ULK4: variants seen among roughly 807,000 people sequenced by gnomAD.
ULK4 encodes inactive serine/threonine-protein kinase ULK4.
Under a neutral mutation model 160.6 loss-of-function variants are expected in ULK4, and 133 were observed. The ratio of observed to expected loss-of-function variants is 0.83; its 90% CI spans 0.72 to 0.96. ULK4 has a LOEUF of 0.96. ULK4 is among the 40% of genes least tolerant of loss of function. The pLI, the probability that ULK4 is intolerant of heterozygous loss-of-function variation, is 0.00. For synonymous variants in ULK4, 534 were observed against 539.8 expected, an observed-to-expected ratio of 0.99 and a Z score of 0.15; for missense variants, 1,580 against 1,499.5, an observed-to-expected ratio of 1.05 and a Z score of -0.89.
intron 35 of ULK4, among the ~76,000 whole-genome samples, chr3:41,368,973 C>T (rs1205882529): frequency 3.9e-5 from 6 of 152,154 alleles, no homozygotes; most frequent in Non-Finnish European, 8.8e-5. Flanking sequence ...CTACCTAGAG[C>T]ATATGGTTCT....
At chr3:41,533,229 C>T (rs905243628) in intron 32 of ULK4, among the ~76,000 whole-genome samples, 6 of 152,170 alleles carry the variant, frequency 3.9e-5, no homozygotes, top group Admixed American at 1.3e-4. Flanking sequence ...AAGCACACAA[C>T]AGTGAGCAAA....
chr3:41,512,809 G>T (rs899666073), intron 32 of ULK4, among the ~76,000 whole-genome samples: 46 of 152,046 alleles, frequency 3.0e-4, no homozygotes, highest in Non-Finnish European at 4.7e-4. Flanking sequence ...GAAAAGAACT[G>T]CATAGCCAAA....
intron 35 of ULK4, among the ~76,000 whole-genome samples, chr3:41,323,236 C>T (rs1262403680): frequency 6.6e-6 from 1 of 152,056 alleles, no homozygotes; most frequent in African/African-American, 2.4e-5. Context: ...CATGCCCGGC[C>T]ATTCTTTTAA....
chr3:41,566,215 G>C (rs1300454791), intron 31 of ULK4, 85 bp from the exon 32 acceptor site: 4 of 1,060,044 alleles, frequency 3.8e-6, no homozygotes, highest in Non-Finnish European at 4.3e-6. Context: ...GATGTCCACT[G>C]CTTCATTCTT....
intron 35 of ULK4, among the ~76,000 whole-genome samples, chr3:41,287,440 G>A (rs981438941): frequency 4.6e-5 from 7 of 152,264 alleles, no homozygotes; most frequent in Admixed American, 1.3e-4. Context: ...GTATGGATTC[G>A]TCTGTGAATG....
chr3:41,395,624 G>A (rs193071633), intron 35 of ULK4, among the ~76,000 whole-genome samples: 158 of 152,270 alleles, frequency 1.0e-3, no homozygotes, highest in East Asian at 4.2e-3. Flanking sequence ...ACTGGGAGAA[G>A]GAGGAGTGGG....
intron 31 of ULK4, among the ~76,000 whole-genome samples, chr3:41,589,430 CAAAAA>C (rs34913730): frequency 3.1e-4 from 22 of 72,092 alleles, no homozygotes; most frequent in African/African-American, 7.6e-4. Context: ...AAGGCCAGGC[CAAAAA>C]AAAAAAAAAA....
chr3:41,728,707 C>A (rs1420493171), intron 22 of ULK4, among the ~76,000 whole-genome samples: 1 of 151,988 alleles, frequency 6.6e-6, no homozygotes, highest in Non-Finnish European at 1.5e-5. Flanking sequence ...AAAAAAACTG[C>A]CCTGGGTGTC....
intron 35 of ULK4, among the ~76,000 whole-genome samples, chr3:41,347,417 T>C (rs911185450): frequency 6.6e-6 from 1 of 152,238 alleles, no homozygotes; most frequent in African/African-American, 2.4e-5. Context: ...ACAGATGTTT[T>C]GTGCTCCAGC....
chr3:41,369,206 T>C (rs567270003), intron 35 of ULK4, among the ~76,000 whole-genome samples: 148 of 152,314 alleles, frequency 9.7e-4, no homozygotes, highest in African/African-American at 3.5e-3. Context: ...TTTAAGAATA[T>C]CATCTTAGAG....
At chr3:41,663,126 C>G (rs948717206) in intron 30 of ULK4, among the ~76,000 whole-genome samples, 3 of 151,474 alleles carry the variant, frequency 2.0e-5, no homozygotes, top group Non-Finnish European at 4.4e-5. Flanking sequence ...GAGGCTGAGG[C>G]AGAAGAATCG....
intron 19 of ULK4, among the ~76,000 whole-genome samples, chr3:41,803,148 G>A (rs566890758): frequency 7.7e-6 from 1 of 129,372 alleles, no homozygotes; most frequent in Admixed American, 7.2e-5. Flanking sequence ...TCCAGCCTGG[G>A]CTTACAGAGC....
chr3:41,630,194 C>T (rs2033687383), intron 30 of ULK4, among the ~76,000 whole-genome samples: 1 of 152,198 alleles, frequency 6.6e-6, no homozygotes, highest in Admixed American at 6.5e-5. Context: ...AAGTCCATCT[C>T]AGCATGGCTG....
chr3:41,354,486 G>A (rs1315354056), intron 35 of ULK4, among the ~76,000 whole-genome samples: 1 of 152,068 alleles, frequency 6.6e-6, no homozygotes, highest in African/African-American at 2.4e-5. Context: ...ACTCATTTAG[G>A]GACACATTTG....
chr3:41,485,487 A>C (rs1338237711), intron 32 of ULK4, among the ~76,000 whole-genome samples: 1 of 152,350 alleles, frequency 6.6e-6, no homozygotes. Flanking sequence ...TTCTACCTTG[A>C]AAATAAATCT....
At chr3:41,496,146 C>T (rs2084979586) in intron 32 of ULK4, among the ~76,000 whole-genome samples, 2 of 151,542 alleles carry the variant, frequency 1.3e-5, no homozygotes, top group South Asian at 2.1e-4. Flanking sequence ...ACTGACAAAC[C>T]AACAAGAAAA....
intron 21 of ULK4, among the ~76,000 whole-genome samples, chr3:41,774,022 T>C (rs1357786680): frequency 6.6e-6 from 1 of 152,148 alleles, no homozygotes; most frequent in East Asian, 1.9e-4. Flanking sequence ...TAGCCATATG[T>C]AGAAAGCTGA....
intron 32 of ULK4, among the ~76,000 whole-genome samples, chr3:41,505,800 A>G (rs778925926): frequency 9.2e-5 from 14 of 152,016 alleles, no homozygotes; most frequent in Non-Finnish European, 1.8e-4. Context: ...TAATGCATCT[A>G]TTTCTTTTTC....
In ULK4 at chr3:41,935,925, G is replaced by A. The variant is rs1440020670; in HGVS notation, c.254C>T (p.Thr85Ile). The A allele has an allele frequency of 6.2e-7, 1 of 1,613,246 alleles. No individual in the cohort carries two copies. Among genetic ancestry groups the A allele is most frequent in the South Asian group, 1.1e-5 (1 of 90,840 alleles). Residue 85 changes from threonine to isoleucine, a missense_variant, in exon 4 of 37, where the codon ACA (threonine) becomes ATA (isoleucine). Transcript: ENST00000301831. ...GAGGTTTTCATCTTGAGCAATAACT[G>A]TTTTTAAGGAACCACCTGCAAGAGG... The part of the protein sequence containing the change: ...VELCTGGSLK[T>I]VIAQDENLPE...
Sources: allele counts gnomAD v4.1 joint callset (sites outside exome capture counted in the v4.1 genomes callset), GRCh38; gene constraint gnomAD v4.1.1; transcripts MANE v1.5; gene names NCBI Gene and HGNC (gene_info 2026-07-23, HGNC 2026-07-21).